IRAK1BP1: variants seen among roughly 807,000 people sequenced by gnomAD.
IRAK1BP1 encodes the protein interleukin-1 receptor-associated kinase 1-binding protein 1.
In IRAK1BP1, 24 loss-of-function variants were observed where a neutral mutation model predicts 28.0. That is an observed-to-expected ratio of 0.86 (90% CI 0.62 to 1.20). The LOEUF (loss-of-function observed/expected upper bound fraction) is 1.20. IRAK1BP1 is among the 50% of genes most tolerant of loss of function. The pLI is 0.00. For missense variants in IRAK1BP1, 336 were observed against 316.7 expected (o/e 1.06, Z -0.46); for synonymous variants, 131 against 116.3 (o/e 1.13, Z -0.81).
At position 78,898,160 on chromosome 6, in the gene IRAK1BP1, CAAA is replaced by C. The variant is rs1562088556; in HGVS notation, c.610_612del (p.Lys204del). 6.8e-6 allele frequency: 11 copies of C among 1,613,450 alleles called. No individual in the cohort carries two copies. Among genetic ancestry groups the C allele is most frequent in the African/African-American group, 4.0e-5 (3 of 74,798 alleles). On this transcript the variant is annotated inframe_deletion, in exon 4 of 4. Transcript: ENST00000369940. ...AAACCTTAGGAAAACCTTTACTAAT[CAAA>C]GAAGAAGAAACAAAAGAATGGGAAG... is the stretch of plus-strand genomic sequence containing the variant.
At chr6:78,948,391 A>G (rs928539046), downstream of IRAK1BP1, among the ~76,000 whole-genome samples, 1 of 152,244 alleles carries the variant, frequency 6.6e-6, no homozygotes, top group African/African-American at 2.4e-5. Context: ...ACCAATAAAA[A>G]CACACACGTG....
intron 2 of IRAK1BP1, among the ~76,000 whole-genome samples, chr6:78,888,608 C>T (rs1490794100): frequency 2.6e-5 from 4 of 151,324 alleles, no homozygotes; most frequent in African/African-American, 9.7e-5. Flanking sequence ...ACCTCTGCCT[C>T]CCAGGTTCAA....
the IRAK1BP1 span, chr6:78,957,721 C>T: frequency 6.6e-6 from 1 of 151,974 alleles, no homozygotes; most frequent in East Asian, 1.9e-4. Flanking sequence ...GACATGGAAT[C>T]ACAGCAGTCT....
At chr6:78,868,179 T>A (rs1237140154) in intron 1 of IRAK1BP1, among the ~76,000 whole-genome samples, 1 of 152,264 alleles carries the variant, frequency 6.6e-6, no homozygotes, top group African/African-American at 2.4e-5. Flanking sequence ...ATTTTGTTTT[T>A]AAATTTAAAG....
rs944499196 is a variant in IRAK1BP1 at position 78,871,193 on chromosome 6, C to T, written c.315+3302C>T. 3 of 870,108 alleles carry T rather than the reference C, an allele frequency of 3.4e-6. No individual in the cohort carries two copies. The African/African-American group carries it at 5.5e-5, about 16-fold the overall frequency. 53.9% of individuals were successfully genotyped at this position (870,108 alleles called of 1,614,324 possible). A position where few individuals can be genotyped will look rare whatever the true frequency, so the allele number is the denominator to read the frequency against. ...ATGCTACCAAGAATTACCCTGATATCTCTGCTTCCCCTTTATTTTCTTCTC... is the reference window on the plus strand; with the variant it reads ...ATGCTACCAAGAATTACCCTGATATTTCTGCTTCCCCTTTATTTTCTTCTC... On this transcript the variant is annotated intron_variant, in intron 1 of 3. Transcript: ENST00000369940.
intron 4 of IRAK1BP1, chr6:78,940,662 T>C (rs774481609): frequency 9.3e-6 from 14 of 1,505,446 alleles, no homozygotes; most frequent in East Asian, 2.3e-5. Context: ...ACCTGCTTTA[T>C]AGATTTTGAA....
intron 4 of IRAK1BP1, among the ~76,000 whole-genome samples, chr6:78,942,427 G>A (rs909010465): frequency 2.0e-5 from 3 of 152,178 alleles, no homozygotes; most frequent in Non-Finnish European, 2.9e-5. Flanking sequence ...AGGTTGCAGT[G>A]AGCTGAGATC....
At chr6:78,977,331 T>A in the IRAK1BP1 span, among the ~76,000 whole-genome samples, 6 of 149,268 alleles carry the variant, frequency 4.0e-5, no homozygotes, top group East Asian at 1.2e-3. Flanking sequence ...AACAATGAGA[T>A]CACATGGACA....
At chr6:78,922,644 A>C (rs1772769799) in intron 4 of IRAK1BP1, among the ~76,000 whole-genome samples, 2 of 152,148 alleles carry the variant, frequency 1.3e-5, no homozygotes, top group African/African-American at 4.8e-5. Flanking sequence ...AGTTGAAATG[A>C]AGGAAAAAAT....
the IRAK1BP1 span, among the ~76,000 whole-genome samples, chr6:78,973,015 A>G: frequency 1.5e-3 from 227 of 152,298 alleles, no homozygotes; most frequent in African/African-American, 5.0e-3. Context: ...GAGATTCAGG[A>G]AATACAGAGA....
downstream of IRAK1BP1, chr6:78,946,889 A>G (rs1459664089): frequency 6.5e-7 from 1 of 1,531,712 alleles, no homozygotes; most frequent in Non-Finnish European, 8.7e-7. Flanking sequence ...GAGGGAAAAA[A>G]AAAAGTGTTC....
At chr6:78,884,106 T>C (rs772458797) in intron 1 of IRAK1BP1, among the ~76,000 whole-genome samples, 10 of 152,176 alleles carry the variant, frequency 6.6e-5, no homozygotes, top group Non-Finnish European at 1.2e-4. Context: ...ATAATAAAAA[T>C]ATTGTGTTAA....
At chr6:78,939,573 ATATAAG>A (rs1307588413) in intron 4 of IRAK1BP1, 4 of 152,100 alleles carry the variant, frequency 2.6e-5, no homozygotes, top group East Asian at 1.9e-4. Context: ...GGGTAATAGT[ATATAAG>A]TATGTGTTTG....
chr6:78,972,545 T>G, the IRAK1BP1 span, among the ~76,000 whole-genome samples: 2 of 152,184 alleles, frequency 1.3e-5, no homozygotes, highest in South Asian at 4.1e-4. Context: ...TTTGATGAGC[T>G]GAGAGAAGAA....
intron 2 of IRAK1BP1, among the ~76,000 whole-genome samples, chr6:78,891,310 T>TA (rs1007407406): frequency 6.6e-6 from 1 of 152,106 alleles, no homozygotes; most frequent in Non-Finnish European, 1.5e-5. Context: ...GATTTAATTT[T>TA]AAAAAAAGGT....
chr6:78,913,186 T>A (rs1041053310), intron 4 of IRAK1BP1, among the ~76,000 whole-genome samples: 1 of 151,052 alleles, frequency 6.6e-6, no homozygotes, highest in Non-Finnish European at 1.5e-5. Flanking sequence ...ATAAAAAAAA[T>A]TAGCCAGGCG....
At chr6:78,925,445 T>C (rs1191010826) in intron 4 of IRAK1BP1, among the ~76,000 whole-genome samples, 5 of 152,010 alleles carry the variant, frequency 3.3e-5, no homozygotes, top group Non-Finnish European at 7.4e-5. Flanking sequence ...ATGCTCAACA[T>C]CACCAATCAT....
At chr6:78,958,862 G>A in the IRAK1BP1 span, among the ~76,000 whole-genome samples, 1 of 152,064 alleles carries the variant, frequency 6.6e-6, no homozygotes, top group Non-Finnish European at 1.5e-5. Context: ...TTGGGAGGGA[G>A]AACGTCTATA....
At chr6:78,913,691 G>T (rs1380417880) in intron 4 of IRAK1BP1, among the ~76,000 whole-genome samples, 1 of 152,102 alleles carries the variant, frequency 6.6e-6, no homozygotes, top group African/African-American at 2.4e-5. Flanking sequence ...TTAAAATACA[G>T]TTTAGACTAA....
Sources: allele counts gnomAD v4.1 joint callset (sites outside exome capture counted in the v4.1 genomes callset), GRCh38; gene constraint gnomAD v4.1.1; transcripts MANE v1.5; gene names NCBI Gene and HGNC (gene_info 2026-07-23, HGNC 2026-07-21).